Variants in BORCS5 observed in about 807,000 individuals in gnomAD.
The protein encoded by BORCS5 is BLOC-1 related complex subunit 5.
A neutral mutation model predicts 22.1 loss-of-function variants in BORCS5; 17 were observed. The observed-to-expected ratio is 0.77, with a 90% CI of 0.53 to 1.15. The LOEUF (loss-of-function observed/expected upper bound fraction) is 1.15. BORCS5 is among the 50% of genes most tolerant of loss of function. The pLI is 0.00. For synonymous variants in BORCS5, 117 were observed against 99.8 expected, an observed-to-expected ratio of 1.17 and a Z score of -1.03; for missense variants, 247 against 253.2, an observed-to-expected ratio of 0.98 and a Z score of 0.17.
At chr12:12,438,374 A>AAAAAAAAAAAAAAC (rs1555156024) in intron 3 of BORCS5, among the ~76,000 whole-genome samples, 3 of 125,060 alleles carry the variant, frequency 2.4e-5, no homozygotes, top group African/African-American at 1.1e-4. Flanking sequence ...AAAAAAAAAA[A>AAAAAAAAAAAAAAC]AAAAAACGAA....
At chr12:12,362,549 C>T (rs753387874) in intron 2 of BORCS5, among the ~76,000 whole-genome samples, 1 of 148,556 alleles carries the variant, frequency 6.7e-6, no homozygotes, top group Non-Finnish European at 1.5e-5. Flanking sequence ...ATCTCCTAAT[C>T]AATTTCTTCC....
In BORCS5 at chr12:12,361,274, G is replaced by C. The variant is rs763367849; in HGVS notation, c.127G>C (p.Ala43Pro). ...DIVVVAQGSQASRNVSNDPDV... is the reference protein window; with the variant it reads ...DIVVVAQGSQPSRNVSNDPDV... ...TGTGGTTGTAGCTCAGGGCTCCCAGGCCTCACGGAACGTCAGCAACGATCC... is the reference window on the plus strand; with the variant it reads ...TGTGGTTGTAGCTCAGGGCTCCCAGCCCTCACGGAACGTCAGCAACGATCC... The change falls in exon 2 of 4, where the codon GCC (alanine) becomes CCC (proline). Residue 43 changes from alanine (A) to proline (P), a missense_variant. Physicochemically the swap from Ala to Pro is conservative, Grantham distance 27. Coordinates refer to ENST00000314565, the MANE Select transcript of BORCS5 (RefSeq NM_058169.6). 6.2e-7 allele frequency: 1 copy of C among 1,614,118 alleles called. No individual in the cohort carries two copies. The highest frequency in any genetic ancestry group is 1.7e-5 in the Admixed American group (1 of 60,012).
chr12:12,371,556 A>G (rs1197879877), intron 2 of BORCS5, among the ~76,000 whole-genome samples: 1 of 152,166 alleles, frequency 6.6e-6, no homozygotes, highest in East Asian at 1.9e-4. Flanking sequence ...AGCCTCCCAA[A>G]GTGCTGGGAT....
At chr12:12,391,127 T>C (rs1309499498) in intron 2 of BORCS5, among the ~76,000 whole-genome samples, 1 of 152,030 alleles carries the variant, frequency 6.6e-6, no homozygotes, top group African/African-American at 2.4e-5. Context: ...TTTGTCACAC[T>C]AAAAATTTCA....
Position 12,470,665 on chromosome 12 carries a change from A to AT in BORCS5, c.*4892dup, listed in dbSNP as rs1943281545. ...GGACTGCTGTCATAAATAACATTGA[A>AT]TTTCATGTGGGTTTTTTTTTTTTGA... On this transcript the variant is annotated 3_prime_UTR_variant, in exon 4 of 4. Transcript: ENST00000314565. 9.4e-6 allele frequency among the ~76,000 whole-genome samples: 1 copy of AT among 106,826 alleles called. No individual in the cohort carries two copies. Among genetic ancestry groups the AT allele is most frequent in the South Asian group, 3.0e-4 (1 of 3,318 alleles). 70.1% of individuals were successfully genotyped at this position (106,826 alleles called of 152,430 possible). A position where few individuals can be genotyped will look rare whatever the true frequency, so the allele number is the denominator to read the frequency against.
At position 12,404,147 on chromosome 12, in the gene BORCS5, G is replaced by A. The variant is rs186695344; in HGVS notation, c.203-31481G>A. On this transcript the variant is annotated intron_variant, in intron 2 of 3. Coordinates refer to ENST00000314565, the MANE Select transcript of BORCS5 (RefSeq NM_058169.6). ...TTGGAGAGATGTGAACAGAATGTGCGTCTTTTGCTCCGGGTGAGAAATAAA... is the reference window on the plus strand; with the variant it reads ...TTGGAGAGATGTGAACAGAATGTGCATCTTTTGCTCCGGGTGAGAAATAAA... Among the ~76,000 whole-genome samples the A allele has an allele frequency of 1.3e-4, 20 of 152,258 alleles. 1 individual carries two copies. The East Asian group carries it at 2.9e-3, about 22-fold the overall frequency.
At chr12:12,359,254 A>G (rs1262276230) in intron 1 of BORCS5, among the ~76,000 whole-genome samples, 21 of 152,096 alleles carry the variant, frequency 1.4e-4, no homozygotes, top group Admixed American at 1.4e-3. Flanking sequence ...GACTAATGCT[A>G]TAATTTTAAG....
chr12:12,390,646 A>G (rs939891775), intron 2 of BORCS5, among the ~76,000 whole-genome samples: 2 of 151,064 alleles, frequency 1.3e-5, no homozygotes, highest in South Asian at 2.1e-4. Context: ...CCTTATCTCA[A>G]TAAGGTGGAT....
intron 3 of BORCS5, among the ~76,000 whole-genome samples, chr12:12,459,145 C>G (rs544979187): frequency 5.3e-5 from 8 of 151,886 alleles, no homozygotes; most frequent in Non-Finnish European, 1.0e-4. Flanking sequence ...ATCCACCTGC[C>G]TTGGCCTCCC....
chr12:12,373,828 C>T (rs897626954), intron 2 of BORCS5, among the ~76,000 whole-genome samples: 1 of 152,080 alleles, frequency 6.6e-6, no homozygotes, highest in Non-Finnish European at 1.5e-5. Context: ...ACACTGGCCA[C>T]ATGTCCCAAA....
rs930882714 is a variant in BORCS5 at position 12,465,962 on chromosome 12, C to T, written c.*186C>T. The T allele has an allele frequency of 3.4e-6, 2 of 584,690 alleles. No individual in the cohort carries two copies. Among genetic ancestry groups the T allele is most frequent in the Non-Finnish European group, 6.1e-6 (2 of 329,396 alleles). 36.2% of individuals were successfully genotyped at this position (584,690 alleles called of 1,614,324 possible). ...AGCTCTTTTCCTTGATGCAGTTTCC[C>T]GGTGTGGAAGGAACCTAACCAGTTC... On this transcript the variant is annotated 3_prime_UTR_variant, in exon 4 of 4. Coordinates refer to ENST00000314565, the MANE Select transcript of BORCS5 (RefSeq NM_058169.6).
chr12:12,414,697 C>CA (rs1188039582), intron 2 of BORCS5, among the ~76,000 whole-genome samples: 1 of 128,222 alleles, frequency 7.8e-6, no homozygotes, highest in Non-Finnish European at 1.7e-5. Context: ...CTGACCCCCC[C>CA]CACCTCCCTC....
At position 12,437,260 on chromosome 12, in the gene BORCS5, C is replaced by T. The variant is rs142428957; in HGVS notation, c.360+1475C>T. Among the ~76,000 whole-genome samples, 1,055 of 152,328 alleles carry T rather than the reference C, an allele frequency of 6.9e-3. 12 individuals carry two copies. The highest frequency in any genetic ancestry group is 0.024 in the African/African-American group (999 of 41,570). On this transcript the variant is annotated intron_variant, in intron 3 of 3. Transcript: ENST00000314565. ...AGTTTTGTAAAGGGGAGTTCCCCTA[C>T]ACAAGCTCTCTTGCCTGCCGCCATG...
In BORCS5 at chr12:12,388,749, CTA is replaced by C. The variant is rs1416792780; in HGVS notation, c.202+27402_202+27403del. 2.0e-5 allele frequency among the ~76,000 whole-genome samples: 3 copies of C among 150,954 alleles called. 1 individual carries two copies. Among genetic ancestry groups the C allele is most frequent in the Admixed American group, 1.3e-4 (2 of 15,146 alleles). Reference sequence around the variant, plus strand: ...GCTGACATTTTTGGGGCCAGATAGACTATCTTTCTGCTGTTCTTCTCCTTTCC... The same window carrying C: ...GCTGACATTTTTGGGGCCAGATAGACTCTTTCTGCTGTTCTTCTCCTTTCC... On this transcript the variant is annotated intron_variant, in intron 2 of 3. Transcript: ENST00000314565.
At chr12:12,435,490 G>A (rs915995276) in intron 2 of BORCS5, 138 bp from the exon 3 acceptor site, 5 of 737,880 alleles carry the variant, frequency 6.8e-6, no homozygotes, top group African/African-American at 1.8e-5. Context: ...TAATTGCAAC[G>A]ATTGTCATTA....
At chr12:12,441,848 C>T (rs1942689697) in intron 3 of BORCS5, among the ~76,000 whole-genome samples, 2 of 152,028 alleles carry the variant, frequency 1.3e-5, no homozygotes, top group Admixed American at 6.6e-5. Flanking sequence ...GGATAGCATA[C>T]TCGTGCCTGG....
chr12:12,456,838 A>C (rs1943005988), intron 3 of BORCS5, among the ~76,000 whole-genome samples: 2 of 152,054 alleles, frequency 1.3e-5, no homozygotes, highest in Admixed American at 1.3e-4. Context: ...GCAGAAGTAC[A>C]GAACAAAAAT....
chr12:12,433,371 G>A (rs1445420465), intron 2 of BORCS5, among the ~76,000 whole-genome samples: 1 of 150,442 alleles, frequency 6.6e-6, no homozygotes, highest in East Asian at 1.9e-4. Context: ...GGGTGCAGCG[G>A]CATACTCCTG....
intron 2 of BORCS5, among the ~76,000 whole-genome samples, chr12:12,367,325 C>G (rs548209833): frequency 1.3e-5 from 2 of 152,328 alleles, no homozygotes; most frequent in African/African-American, 4.8e-5. Context: ...CAGACCTTAT[C>G]ATTGCATTGG....
Sources: allele counts gnomAD v4.1 joint callset (sites outside exome capture counted in the v4.1 genomes callset), GRCh38; gene constraint gnomAD v4.1.1; transcripts MANE v1.5; gene names NCBI Gene and HGNC (gene_info 2026-07-23, HGNC 2026-07-21).